The following ADSS1 variants were observed in gnomAD, a reference collection of about 807,000 sequenced individuals.
The protein encoded by ADSS1 is adenylosuccinate synthetase isozyme 1.
Under a neutral mutation model 59.1 loss-of-function variants are expected in ADSS1, and 57 were observed. That is an observed-to-expected ratio of 0.97 (90% CI 0.78 to 1.20). ADSS1 has a LOEUF of 1.20. ADSS1 is among the 50% of genes most tolerant of loss of function. The pLI, the probability that ADSS1 is intolerant of heterozygous loss-of-function variation, is 0.00. For synonymous variants in ADSS1, 247 were observed against 249.4 expected (o/e 0.99, Z 0.09); for missense variants, 603 against 610.3 (o/e 0.99, Z 0.13).
chr14:104,729,054 C>T (rs1008177563), intron 1 of ADSS1, among the ~76,000 whole-genome samples: 1 of 152,128 alleles, frequency 6.6e-6, no homozygotes, highest in African/African-American at 2.4e-5. Flanking sequence ...TAGCGAGCCT[C>T]GTCCAGGTGT....
chr14:104,726,990 G>A (rs1407486226), intron 1 of ADSS1, among the ~76,000 whole-genome samples: 1 of 152,138 alleles, frequency 6.6e-6, no homozygotes, highest in Non-Finnish European at 1.5e-5. Flanking sequence ...TGCTGCTGAC[G>A]CCTGCACCAG....
intron 4 of ADSS1, 148 bp downstream of exon 4, chr14:104,739,526 C>A: frequency 9.8e-7 from 1 of 1,021,458 alleles, no homozygotes; most frequent in Non-Finnish European, 1.4e-6. Flanking sequence ...TTACCCTTTT[C>A]AAAGAGCTTC....
chr14:104,741,699 C>G, intron 8 of ADSS1, 149 bp from the exon 9 acceptor site: 1 of 949,424 alleles, frequency 1.1e-6, no homozygotes, highest in Non-Finnish European at 1.6e-6. Flanking sequence ...TCGGCCACTC[C>G]ACCAGGACAG....
At chr14:104,731,577 C>A (rs1272063644) in intron 1 of ADSS1, among the ~76,000 whole-genome samples, 1 of 152,204 alleles carries the variant, frequency 6.6e-6, no homozygotes, top group African/African-American at 2.4e-5. Flanking sequence ...CTTCCCAGAG[C>A]TCAGGTGCCT....
intron 1 of ADSS1, among the ~76,000 whole-genome samples, chr14:104,728,430 C>G (rs1890783052): frequency 6.6e-6 from 1 of 152,174 alleles, no homozygotes; most frequent in Non-Finnish European, 1.5e-5. Flanking sequence ...GTAGCAGTGA[C>G]CTCGGTTCTG....
chr14:104,742,147 G>A (rs899003176), intron 9 of ADSS1, 145 bp downstream of exon 9: 51 of 1,251,358 alleles, frequency 4.1e-5, no homozygotes, highest in South Asian at 1.9e-4. Context: ...GCTTCCTGCC[G>A]TGCAGGCCAG....
At chr14:104,745,178 G>A (rs1891510911) in intron 11 of ADSS1, 1 of 386,926 alleles carries the variant, frequency 2.6e-6, no homozygotes. Flanking sequence ...CTACTCGCCT[G>A]GGACCCTGGG....
intron 1 of ADSS1, among the ~76,000 whole-genome samples, chr14:104,726,639 C>T (rs1403319044): frequency 6.6e-6 from 1 of 152,236 alleles, no homozygotes; most frequent in Non-Finnish European, 1.5e-5. Flanking sequence ...GTCTTTCTTA[C>T]TTGGAGTGTG....
At chr14:104,731,307 T>G (rs751862975) in intron 1 of ADSS1, among the ~76,000 whole-genome samples, 1 of 152,174 alleles carries the variant, frequency 6.6e-6, no homozygotes, top group East Asian at 1.9e-4. Context: ...CTGCTACACC[T>G]CTAGGCGCCA....
At chr14:104,733,464 G>A (rs1194628329) in intron 1 of ADSS1, among the ~76,000 whole-genome samples, 1 of 152,222 alleles carries the variant, frequency 6.6e-6, no homozygotes, top group African/African-American at 2.4e-5. Flanking sequence ...AGGCGCCGGG[G>A]CTGTTTCCGT....
At chr14:104,744,661 C>G (rs1257481996) in intron 10 of ADSS1, 151 bp from the exon 11 acceptor site, 1 of 648,938 alleles carries the variant, frequency 1.5e-6, no homozygotes, top group Non-Finnish European at 2.7e-6. Context: ...CAGCCCAATT[C>G]CAAACAGGCC....
In ADSS1 at chr14:104,743,140, G is replaced by A. The variant is rs1384165842; in HGVS notation, c.1022G>A (p.Trp341Ter). ...ACAGGCAGGAAGAGGCGCTGCGGCT[G>A]GCTCGACCTGATGATTCTAAGATAT... ...VTTGRKRRCG[W>*]LDLMILRYAH... is the part of the protein sequence containing the mutation. Residue 341 changes from tryptophan to a stop codon, truncating the protein, a stop_gained, in exon 10 of 13, where the codon TGG (tryptophan) becomes TAG (stop). Transcript: ENST00000330877. LOFTEE classifies it high-confidence loss of function. 3.1e-6 allele frequency: 5 copies of A among 1,612,562 alleles called. No individual in the cohort carries two copies. In the African/African-American group the frequency reaches 5.3e-5, roughly 17 times the overall value.
In ADSS1 at chr14:104,743,003, G is replaced by A. The variant is rs1037248097; in HGVS notation, c.949-64G>A. 12 of 1,599,236 alleles carry A rather than the reference G, an allele frequency of 7.5e-6. No individual in the cohort carries two copies. The African/African-American group carries it at 1.6e-4, about 21-fold the overall frequency. On this transcript the variant is annotated intron_variant, in intron 9 of 12. Coordinates refer to ENST00000330877, the MANE Select transcript of ADSS1 (RefSeq NM_152328.5). ...CTGTGTGCAGGGAGGAGGGGGAGCA[G>A]CAGGGCCAGGCTGCACAAGGCTCCC...
In ADSS1 at chr14:104,743,066, G is replaced by A; in HGVS notation, c.949-1G>A. On this transcript the variant is annotated splice_acceptor_variant, in intron 9 of 12. Transcript: ENST00000330877. LOFTEE classifies it high-confidence loss of function. Reference sequence around the variant, plus strand: ...ATGACGTCCTCCCTGTTCTCATGTAGGAGATTGGAGGCCTGCTGCAGACCC... The same window carrying A: ...ATGACGTCCTCCCTGTTCTCATGTAAGAGATTGGAGGCCTGCTGCAGACCC... 1 of 1,612,936 alleles carries A rather than the reference G, an allele frequency of 6.2e-7. No individual in the cohort carries two copies. The highest frequency in any genetic ancestry group is 1.3e-5 in the African/African-American group (1 of 75,056).
At chr14:104,733,252 T>A (rs1268101556) in intron 1 of ADSS1, among the ~76,000 whole-genome samples, 1 of 152,202 alleles carries the variant, frequency 6.6e-6, no homozygotes, top group African/African-American at 2.4e-5. Context: ...TGAACTGGTT[T>A]CCTATAAGGA....
At chr14:104,738,886 G>A (rs1891224310) in intron 3 of ADSS1, among the ~76,000 whole-genome samples, 1 of 152,220 alleles carries the variant, frequency 6.6e-6, no homozygotes, top group African/African-American at 2.4e-5. Flanking sequence ...GGGTCTGGGA[G>A]GACGCTGAGC....
chr14:104,742,078 T>C (rs1471320189), intron 9 of ADSS1, 76 bp downstream of exon 9: 1 of 1,564,034 alleles, frequency 6.4e-7, no homozygotes, highest in African/African-American at 1.4e-5. Context: ...GGGTGAGCAG[T>C]GCCAGGGTGG....
chr14:104,733,293 G>T (rs1890997143), intron 1 of ADSS1, among the ~76,000 whole-genome samples: 1 of 152,212 alleles, frequency 6.6e-6, no homozygotes, highest in Non-Finnish European at 1.5e-5. Flanking sequence ...CCAGGCAGAA[G>T]TCAGGGCGTG....
chr14:104,746,784 C>T (rs1891577152), intron 12 of ADSS1, 167 bp from the exon 13 acceptor site: 2 of 693,036 alleles, frequency 2.9e-6, no homozygotes, highest in African/African-American at 1.8e-5. Context: ...GATCAGTCCC[C>T]CAACATGCAC....
Sources: gnomAD v4.1 joint callset for allele counts (sites outside exome capture counted in the v4.1 genomes callset) on GRCh38, gnomAD v4.1.1 for gene constraint, MANE v1.5 for transcripts, NCBI Gene and HGNC (gene_info 2026-07-23, HGNC 2026-07-21) for gene names.